CCSER1: variants seen among roughly 807,000 people sequenced by gnomAD.
CCSER1 encodes the protein serine-rich coiled-coil domain-containing protein 1.
CCSER1 carries 41 observed loss-of-function variants against 82.0 expected under a neutral mutation model. That is an observed-to-expected ratio of 0.50 (90% CI 0.39 to 0.65). The LOEUF is 0.65. Among genes scored for constraint, CCSER1 ranks in the 30% least tolerant of loss-of-function variants. CCSER1 has a pLI of 0.00. For synonymous variants in CCSER1, 414 were observed against 383.9 expected (o/e 1.08, Z -0.92); for missense variants, 1,119 against 1,064.2 (o/e 1.05, Z -0.72).
chr4:90,473,382 A>T (rs1764653067), intron 5 of CCSER1, among the ~76,000 whole-genome samples: 1 of 152,174 alleles, frequency 6.6e-6, no homozygotes, highest in Non-Finnish European at 1.5e-5. Context: ...ATTATTTTAT[A>T]TAAATAAATC....
intron 10 of CCSER1, among the ~76,000 whole-genome samples, chr4:91,161,080 T>A (rs1731343184): frequency 6.6e-6 from 1 of 152,182 alleles, no homozygotes; most frequent in Non-Finnish European, 1.5e-5. Flanking sequence ...AATTTTAGTA[T>A]AAGGTGTAAG....
chr4:91,381,319 C>G (rs1750873290), intron 10 of CCSER1, among the ~76,000 whole-genome samples: 1 of 152,176 alleles, frequency 6.6e-6, no homozygotes, highest in Non-Finnish European at 1.5e-5. Flanking sequence ...GGAAGTTCTC[C>G]TGGATAATAT....
chr4:90,656,346 AT>A (rs1479289925), intron 6 of CCSER1, among the ~76,000 whole-genome samples: 62 of 151,336 alleles, frequency 4.1e-4, no homozygotes, highest in Non-Finnish European at 7.1e-4. Flanking sequence ...TATTCTGTCA[AT>A]TTTTTAATAT....
intron 10 of CCSER1, among the ~76,000 whole-genome samples, chr4:91,424,313 G>A (rs371536112): frequency 1.4e-4 from 21 of 152,146 alleles, no homozygotes; most frequent in African/African-American, 3.6e-4. Flanking sequence ...CACCGCGCCC[G>A]GCCAAGAACT....
At chr4:91,506,925 A>T (rs1759526430) in intron 10 of CCSER1, among the ~76,000 whole-genome samples, 1 of 152,070 alleles carries the variant, frequency 6.6e-6, no homozygotes, top group African/African-American at 2.4e-5. Flanking sequence ...CACTTAGCAT[A>T]TTATTTTTAT....
chr4:91,543,947 C>A (rs1261045443), intron 10 of CCSER1, among the ~76,000 whole-genome samples: 1 of 152,082 alleles, frequency 6.6e-6, no homozygotes, highest in Non-Finnish European at 1.5e-5. Context: ...CCAGTCAGAC[C>A]TAGATTTGGT....
intron 9 of CCSER1, among the ~76,000 whole-genome samples, chr4:91,020,444 C>A (rs750590535): frequency 6.6e-6 from 1 of 152,094 alleles, no homozygotes; most frequent in African/African-American, 2.4e-5. Flanking sequence ...GGGTGGATCA[C>A]GAGGTCAGGA....
chr4:90,759,504 T>G (rs577532598), intron 7 of CCSER1, among the ~76,000 whole-genome samples: 3 of 152,290 alleles, frequency 2.0e-5, no homozygotes, highest in African/African-American at 7.2e-5. Context: ...TAGTAAATCT[T>G]TGCAAAGGAA....
At chr4:90,599,972 A>G (rs1783839294) in intron 5 of CCSER1, among the ~76,000 whole-genome samples, 1 of 152,146 alleles carries the variant, frequency 6.6e-6, no homozygotes, top group Admixed American at 6.5e-5. Context: ...AAACATATGT[A>G]GTTTTTGTTG....
chr4:90,516,831 A>G (rs182750683), intron 5 of CCSER1, among the ~76,000 whole-genome samples: 1 of 152,160 alleles, frequency 6.6e-6, no homozygotes, highest in Non-Finnish European at 1.5e-5. Context: ...GAATCTTTGA[A>G]GTGGTGTGCT....
At chr4:90,144,562 G>A (rs907880195) in intron 1 of CCSER1, among the ~76,000 whole-genome samples, 5 of 152,162 alleles carry the variant, frequency 3.3e-5, no homozygotes, top group Admixed American at 1.3e-4. Context: ...TGTTTAAGCA[G>A]TGAGGGAAAA....
intron 9 of CCSER1, among the ~76,000 whole-genome samples, chr4:91,037,554 G>T (rs529715839): frequency 1.3e-5 from 2 of 149,906 alleles, no homozygotes; most frequent in East Asian, 4.0e-4. Context: ...TTTTCTTATC[G>T]AGCACCTTGT....
At chr4:91,302,078 A>G (rs926275868) in intron 10 of CCSER1, among the ~76,000 whole-genome samples, 3 of 151,950 alleles carry the variant, frequency 2.0e-5, no homozygotes, top group Non-Finnish European at 4.4e-5. Flanking sequence ...AAAGGACAAT[A>G]ATGTCCCTGT....
intron 8 of CCSER1, among the ~76,000 whole-genome samples, chr4:90,896,550 G>A (rs763692608): frequency 1.3e-5 from 2 of 151,892 alleles, no homozygotes; most frequent in Non-Finnish European, 2.9e-5. Flanking sequence ...ATCAGATAAG[G>A]TAAAGTTAGT....
At chr4:91,325,184 G>A (rs181224160) in intron 10 of CCSER1, 1 of 456,138 alleles carries the variant, frequency 2.2e-6, no homozygotes, top group East Asian at 7.0e-5. Context: ...TGTTTCACCA[G>A]CATAGTAGGT....
chr4:90,808,069 A>G (rs1351107253), intron 7 of CCSER1, among the ~76,000 whole-genome samples: 2 of 152,224 alleles, frequency 1.3e-5, no homozygotes, highest in Non-Finnish European at 1.5e-5. Context: ...AACAGAATAG[A>G]GAACCCAGAA....
At chr4:90,800,890 A>G (rs1756713587) in intron 7 of CCSER1, among the ~76,000 whole-genome samples, 1 of 152,218 alleles carries the variant, frequency 6.6e-6, no homozygotes, top group Non-Finnish European at 1.5e-5. Flanking sequence ...AAATTTTATG[A>G]AAGAATTGGA....
rs1311061738 is a variant in CCSER1 at position 91,478,512 on chromosome 4, G to GT, written c.2218-120059dup. Among the ~76,000 whole-genome samples, 9 of 151,814 alleles carry GT rather than the reference G, an allele frequency of 5.9e-5. No individual in the cohort carries two copies. In the East Asian group the frequency reaches 1.2e-3, roughly 20 times the overall value. On this transcript the variant is annotated intron_variant, in intron 10 of 10. Transcript: ENST00000509176. ...AGTCACTAAAAAAGATGAAAAAATC[G>GT]TAACAGTCTCAGAGATTCTGCATTC...
intron 6 of CCSER1, among the ~76,000 whole-genome samples, chr4:90,709,959 T>TG (rs949358328): frequency 6.6e-6 from 1 of 151,650 alleles, no homozygotes; most frequent in African/African-American, 2.4e-5. Context: ...TTTTTTTTTT[T>TG]TTTGACTTTT....
Sources: gnomAD v4.1 joint callset for allele counts (sites outside exome capture counted in the v4.1 genomes callset) on GRCh38, gnomAD v4.1.1 for gene constraint, MANE v1.5 for transcripts, NCBI Gene and HGNC (gene_info 2026-07-23, HGNC 2026-07-21) for gene names.